NFAT5: variants seen among roughly 807,000 people sequenced by gnomAD.
NFAT5 encodes nuclear factor of activated T cells 5.
A neutral mutation model predicts 166.5 loss-of-function variants in NFAT5; 31 were observed. The ratio of observed to expected loss-of-function variants is 0.19; its 90% CI spans 0.14 to 0.25. The LOEUF is 0.25. Ranked by LOEUF, NFAT5 falls within the 10% of genes least tolerant of loss-of-function variation. The pLI is 1.00. For missense variants in NFAT5, 1,449 were observed against 1,821.8 expected (o/e 0.80, Z 3.72); for synonymous variants, 612 against 639.7 (o/e 0.96, Z 0.65).
intron 3 of NFAT5, among the ~76,000 whole-genome samples, chr16:69,629,940 ATTT>A (rs536349270): frequency 7.2e-6 from 1 of 138,996 alleles, no homozygotes; most frequent in African/African-American, 2.6e-5. Flanking sequence ...GACCTGGGTA[ATTT>A]TTTTTTTTTT....
In NFAT5 at chr16:69,698,169, C is replaced by T. The variant is rs2037823173; in HGVS notation, c.*1818C>T. On this transcript the variant is annotated 3_prime_UTR_variant, in exon 15 of 15. Transcript: ENST00000349945. ...ATTGAGAGGCATTGAATTACGTTTT[C>T]AGTAGTACAGGCTTCTTGCCGATAT... 6.6e-6 allele frequency: 1 copy of T among 152,318 alleles called. No homozygotes were observed. The highest frequency in any genetic ancestry group is 6.6e-5 in the Admixed American group (1 of 15,230). 9.4% of individuals were successfully genotyped at this position (152,318 alleles called of 1,614,324 possible).
intron 2 of NFAT5, among the ~76,000 whole-genome samples, chr16:69,575,884 A>G (rs1365033616): frequency 6.6e-6 from 1 of 152,144 alleles, no homozygotes; most frequent in Non-Finnish European, 1.5e-5. Context: ...AAATGAACAA[A>G]CTGAGGTACA....
intron 7 of NFAT5, among the ~76,000 whole-genome samples, chr16:69,668,220 T>G (rs1451210072): frequency 6.6e-6 from 1 of 152,160 alleles, no homozygotes; most frequent in African/African-American, 2.4e-5. Context: ...ACTCCTGACC[T>G]CAGGTGATCT....
chr16:69,635,360 A>G (rs1414063511), intron 3 of NFAT5, among the ~76,000 whole-genome samples: 1 of 151,798 alleles, frequency 6.6e-6, no homozygotes, highest in Admixed American at 6.6e-5. Context: ...TTAGTTTTGA[A>G]CTTTATTTTT....
intron 11 of NFAT5, 102 bp downstream of exon 11, chr16:69,685,072 T>C (rs2037232314): frequency 5.2e-6 from 3 of 576,770 alleles, no homozygotes; most frequent in Non-Finnish European, 9.1e-6. Context: ...TATAATACTT[T>C]GCAGGGTATC....
chr16:69,607,095 T>C (rs1200702100), intron 2 of NFAT5, among the ~76,000 whole-genome samples: 3 of 152,206 alleles, frequency 2.0e-5, no homozygotes, highest in Admixed American at 6.5e-5. Context: ...ACATTATTGC[T>C]AGTGCTTACA....
rs544623870 is a variant in NFAT5 at position 69,615,024 on chromosome 16, C to A, written c.128-11379C>A. On this transcript the variant is annotated intron_variant, in intron 2 of 14. Transcript: ENST00000349945. ...CCTGAGCAGCTAGGGCTATAGGCAC[C>A]CACCACCACTCCCAGCTAAATTTTT... Among the ~76,000 whole-genome samples the A allele has an allele frequency of 4.0e-3, 600 of 150,790 alleles. 2 individuals carry two copies. The highest frequency in any genetic ancestry group is 0.017 in the Middle Eastern group (5 of 290).
intron 2 of NFAT5, among the ~76,000 whole-genome samples, chr16:69,578,173 A>G (rs1006731407): frequency 6.6e-6 from 1 of 152,158 alleles, no homozygotes. Flanking sequence ...GCAAATACAA[A>G]ACCATTTTAT....
intron 3 of NFAT5, chr16:69,632,273 T>TC (rs1308586154): frequency 3.3e-5 from 5 of 152,346 alleles, no homozygotes; most frequent in Admixed American, 3.3e-4. Flanking sequence ...ACTTTTAAGT[T>TC]CCTACTATGT....
At chr16:69,580,914 C>CA (rs1442873762) in intron 2 of NFAT5, among the ~76,000 whole-genome samples, 3 of 152,144 alleles carry the variant, frequency 2.0e-5, no homozygotes, top group Non-Finnish European at 4.4e-5. Context: ...CTCGGCCTCC[C>CA]GGAGAGCTGG....
chr16:69,626,959 A>G (rs183514896), intron 3 of NFAT5, among the ~76,000 whole-genome samples: 189 of 152,236 alleles, frequency 1.2e-3, no homozygotes, highest in Admixed American at 3.8e-3. Flanking sequence ...TATTCATAGC[A>G]TGTTACTGAA....
chr16:69,569,693 T>A lies in NFAT5; in HGVS notation c.127+1145T>A, dbSNP rs529314431. Among the ~76,000 whole-genome samples, 217 of 152,362 alleles carry A rather than the reference T, an allele frequency of 1.4e-3. 1 individual carries two copies. Among genetic ancestry groups the A allele is most frequent in the African/African-American group, 4.9e-3 (205 of 41,588 alleles). On this transcript the variant is annotated intron_variant, in intron 2 of 14. Transcript: ENST00000349945. ...CTAATGTGTATTAAATTGCCTAGCATAGCGTCTAGCTTAATAAATGTTAGT... is the reference window on the plus strand; with the variant it reads ...CTAATGTGTATTAAATTGCCTAGCAAAGCGTCTAGCTTAATAAATGTTAGT...
Position 69,691,992 on chromosome 16 carries a change from T to C in NFAT5, c.2167T>C (p.Leu723=), listed in dbSNP as rs1196571030. ...SSQLPNSDAL[L]QQATQFQTRE... ...TCAGCTGCCCAACAGCGATGCACTA[T>C]TGCAGCAGGCTACACAGTTTCAGAC... The change falls in exon 13 of 15, where the codon TTG becomes CTG. Residue 723 remains leucine, a synonymous_variant. Coordinates refer to ENST00000349945, the MANE Select transcript of NFAT5 (RefSeq NM_138713.4). The C allele has an allele frequency of 1.2e-6, 2 of 1,614,162 alleles. No individual in the cohort carries two copies. The highest frequency in any genetic ancestry group is 2.2e-5 in the East Asian group (1 of 44,884).
At position 69,697,657 on chromosome 16, in the gene NFAT5, C is replaced by A. The variant is rs952339058; in HGVS notation, c.*1306C>A. ...TAACTTGTGTTACATCTATAAAGAGCAAAATAACACACTCCAGAACTTGGC... is the reference window on the plus strand; with the variant it reads ...TAACTTGTGTTACATCTATAAAGAGAAAAATAACACACTCCAGAACTTGGC... On this transcript the variant is annotated 3_prime_UTR_variant, in exon 15 of 15. Coordinates refer to ENST00000349945, the MANE Select transcript of NFAT5 (RefSeq NM_138713.4). 3 of 152,544 alleles carry A rather than the reference C, an allele frequency of 2.0e-5. No individual in the cohort carries two copies. Among genetic ancestry groups the A allele is most frequent in the African/African-American group, 7.2e-5 (3 of 41,414 alleles). 9.4% of individuals were successfully genotyped at this position (152,544 alleles called of 1,614,324 possible).
In NFAT5 at chr16:69,703,591, A is replaced by G. The variant is rs2037934253; in HGVS notation, c.*7240A>G. 6.6e-6 allele frequency: 1 copy of G among 152,648 alleles called. No homozygotes were observed. The highest frequency in any genetic ancestry group is 1.5e-5 in the Non-Finnish European group (1 of 68,040). The allele number at this position is 152,648 out of a possible 1,614,324, so 9.5% of individuals were successfully genotyped here. A position where few individuals can be genotyped will look rare whatever the true frequency, so the allele number is the denominator to read the frequency against. On this transcript the variant is annotated 3_prime_UTR_variant, in exon 15 of 15. Coordinates refer to ENST00000349945, the MANE Select transcript of NFAT5 (RefSeq NM_138713.4). ...GTGAAAGAAAAATTCACATATCAGAATAAAAATAAATGTATACTCACTTTA... is the reference window on the plus strand; with the variant it reads ...GTGAAAGAAAAATTCACATATCAGAGTAAAAATAAATGTATACTCACTTTA...
intron 2 of NFAT5, among the ~76,000 whole-genome samples, chr16:69,613,174 A>T (rs2033783795): frequency 6.6e-6 from 1 of 152,106 alleles, no homozygotes; most frequent in Non-Finnish European, 1.5e-5. Flanking sequence ...CAGTGATCCA[A>T]TTTAGTTCAT....
intron 7 of NFAT5, among the ~76,000 whole-genome samples, chr16:69,667,178 G>C (rs1319707652): frequency 1.6e-5 from 2 of 122,128 alleles, no homozygotes; most frequent in East Asian, 2.8e-4. Context: ...GTTGTGGGGT[G>C]GGGGGAGGGG....
At chr16:69,570,860 A>T (rs182492400) in intron 2 of NFAT5, among the ~76,000 whole-genome samples, 10 of 152,232 alleles carry the variant, frequency 6.6e-5, no homozygotes, top group African/African-American at 2.4e-4. Context: ...CAATTTTCTC[A>T]TCTTTAAACG....
chr16:69,688,128 G>A (rs967242119), intron 11 of NFAT5, among the ~76,000 whole-genome samples: 5 of 148,980 alleles, frequency 3.4e-5, no homozygotes, highest in Admixed American at 1.3e-4. Context: ...CCCGGGAAGC[G>A]GAGCTTGCAG....
Sources: allele counts gnomAD v4.1 joint callset (sites outside exome capture counted in the v4.1 genomes callset), GRCh38; gene constraint gnomAD v4.1.1; transcripts MANE v1.5; gene names NCBI Gene and HGNC (gene_info 2026-07-23, HGNC 2026-07-21).